ZNF449: variants seen among roughly 807,000 people sequenced by gnomAD.
ZNF449 encodes zinc finger protein 449.
In ZNF449, 4 loss-of-function variants were observed where a neutral mutation model predicts 32.6. The observed-to-expected ratio is 0.12, with a 90% CI of 0.06 to 0.28. The LOEUF is 0.28. Among genes scored for constraint, ZNF449 ranks in the 10% least tolerant of loss-of-function variants. The probability of loss-of-function intolerance (pLI) is 1.00; values close to 1 mark genes in which losing one functional copy is unlikely to be tolerated. For synonymous variants in ZNF449, 123 were observed against 132.2 expected (o/e 0.93, Z 0.48); for missense variants, 275 against 383.2 (o/e 0.72, Z 2.36).
chrX:135,349,941 G>T (rs782283749), intron 3 of ZNF449, among the ~76,000 whole-genome samples: 1 of 111,117 alleles, frequency 9.0e-6, no homozygotes, highest in African/African-American at 3.3e-5. Context: ...TCCAAGTGGA[G>T]AAAGGCAGCA....
At chrX:135,351,192 C>T (rs2084884550) in intron 3 of ZNF449, among the ~76,000 whole-genome samples, 1 of 112,006 alleles carries the variant, frequency 8.9e-6, no homozygotes, top group African/African-American at 3.2e-5. Context: ...GGAATGGATA[C>T]ATACTACTGA....
chrX:135,346,658 A>G (rs2148502749), intron 1 of ZNF449, among the ~76,000 whole-genome samples: 1 of 112,206 alleles, frequency 8.9e-6, no homozygotes, highest in East Asian at 2.8e-4. Flanking sequence ...TTTGCAGTGA[A>G]GTCTATTAAG....
Position 135,361,735 on chromosome X carries a change from A to G in ZNF449, c.*659A>G, listed in dbSNP as rs2084948396. ...CCAGGGTCTTTTGCTCTCCTTTGGT[A>G]TTTCACTCTCCTTTGGTATTCAATC... On this transcript the variant is annotated 3_prime_UTR_variant, in exon 5 of 5. Coordinates refer to ENST00000339249, the MANE Select transcript of ZNF449 (RefSeq NM_152695.6). The G allele has an allele frequency of 9.0e-6, 1 of 111,504 alleles. No homozygotes were observed. The highest frequency in any genetic ancestry group is 1.9e-5 in the Non-Finnish European group (1 of 52,964). 9.2% of individuals were successfully genotyped at this position (111,504 alleles called of 1,213,427 possible). A position where few individuals can be genotyped will look rare whatever the true frequency, so the allele number is the denominator to read the frequency against.
chrX:135,360,148 T>C (rs1556453016), intron 4 of ZNF449, 45 bp from the exon 5 acceptor site: 1 of 1,143,198 alleles, frequency 8.7e-7, no homozygotes, highest in Middle Eastern at 3.3e-4. Context: ...CTTTCTTTTC[T>C]CCATGGAACA....
chrX:135,355,722 A>G (rs905527547), intron 3 of ZNF449, among the ~76,000 whole-genome samples: 3 of 111,781 alleles, frequency 2.7e-5, no homozygotes, highest in Non-Finnish European at 5.7e-5. Flanking sequence ...TAATTCACAT[A>G]CCATACATTG....
chrX:135,356,485 A>G (rs1406062818), intron 3 of ZNF449, among the ~76,000 whole-genome samples: 1 of 111,658 alleles, frequency 9.0e-6, no homozygotes. Context: ...AGACCTATTT[A>G]GTCCCCTTGC....
At chrX:135,349,365 G>A (rs1470993273) in intron 3 of ZNF449, 51 bp downstream of exon 3, 2 of 1,136,432 alleles carry the variant, frequency 1.8e-6, no homozygotes, top group Non-Finnish European at 2.4e-6. Flanking sequence ...GAGAGTTCAG[G>A]AACTCTCAAG....
chrX:135,352,872 G>T (rs146368684), intron 3 of ZNF449, among the ~76,000 whole-genome samples: 2 of 111,906 alleles, frequency 1.8e-5, no homozygotes, highest in Non-Finnish European at 3.8e-5. Context: ...AGTTTAGGAT[G>T]GGGGGAACAT....
chrX:135,350,028 CG>C (rs1345723241), intron 3 of ZNF449, among the ~76,000 whole-genome samples: 17 of 102,074 alleles, frequency 1.7e-4, no homozygotes, highest in Non-Finnish European at 3.0e-4. Flanking sequence ...TTTTCTGAGA[CG>C]GGAGTCCTGC....
chrX:135,363,346 T>A lies in ZNF449; in HGVS notation c.*2270T>A, dbSNP rs2084957475. On this transcript the variant is annotated 3_prime_UTR_variant, in exon 5 of 5. Transcript: ENST00000339249. ...TGGCTAGTAGGGTTAGTTGCAATCA[T>A]AATATGAGTTGCATCCTCCCTCTCA... 8.9e-6 allele frequency among the ~76,000 whole-genome samples: 1 copy of A among 111,944 alleles called. No individual in the cohort carries two copies. Among genetic ancestry groups the A allele is most frequent in the African/African-American group, 3.2e-5 (1 of 30,799 alleles).
chrX:135,357,882 T>C (rs1212234594), intron 3 of ZNF449, among the ~76,000 whole-genome samples: 8 of 111,114 alleles, frequency 7.2e-5, no homozygotes, highest in Non-Finnish European at 1.3e-4. Context: ...GTATACCTCT[T>C]ATAAACAGTA....
At chrX:135,346,024 T>A (rs1381726386) in intron 1 of ZNF449, among the ~76,000 whole-genome samples, 1 of 112,197 alleles carries the variant, frequency 8.9e-6, no homozygotes, top group African/African-American at 3.3e-5. Flanking sequence ...ATTTACCATG[T>A]GACCTTAGAC....
chrX:135,360,535 C>G lies in ZNF449; in HGVS notation c.1016C>G (p.Thr339Ser). 2 of 1,211,811 alleles carry G rather than the reference C, an allele frequency of 1.7e-6. No individual in the cohort carries two copies. The highest frequency in any genetic ancestry group is 2.2e-6 in the Non-Finnish European group (2 of 895,432). The change falls in exon 5 of 5, where the codon ACT (threonine) becomes AGT (serine). Residue 339 changes from threonine to serine, a missense_variant. Thr to Ser is a moderately conservative substitution (Grantham distance 58). Transcript: ENST00000339249. Reference sequence around the variant, plus strand: ...TGTTTTGCTCGGAAGTCACAACTTACTGGGCATCAGAGAATTCATTCAGGA... The same window carrying G: ...TGTTTTGCTCGGAAGTCACAACTTAGTGGGCATCAGAGAATTCATTCAGGA... ...GKCFARKSQLTGHQRIHSGEE... is the reference protein window; with the variant it reads ...GKCFARKSQLSGHQRIHSGEE...
intron 2 of ZNF449, chrX:135,348,574 A>G (rs781803971): frequency 2.9e-5 from 6 of 204,105 alleles, no homozygotes; most frequent in Admixed American, 1.5e-4. Context: ...GATGGGCATC[A>G]GGGATACTCC....
chrX:135,351,974 C>T (rs782605463), intron 3 of ZNF449, among the ~76,000 whole-genome samples: 2 of 111,990 alleles, frequency 1.8e-5, no homozygotes, highest in African/African-American at 6.5e-5. Context: ...CTTTTCTTAT[C>T]ACCGTTTAAA....
rs782046147 is a variant in ZNF449, at chrX:135,351,658, TAAAAAAAAA to T, written c.559+2363_559+2371del. Reference sequence around the variant, plus strand: ...CATTTCATAGTCTATTGAGGAATTCTAAAAAAAAAAAAAAAAAAAAAAAAAAACAAAACC... The same window carrying T: ...CATTTCATAGTCTATTGAGGAATTCTAAAAAAAAAAAAAAAAAACAAAACC... On this transcript the variant is annotated intron_variant, in intron 3 of 4. Transcript: ENST00000339249. Among the ~76,000 whole-genome samples the T allele has an allele frequency of 2.0e-4, 10 of 49,505 alleles. No homozygotes were observed. The South Asian group carries it at 7.0e-3, about 35-fold the overall frequency. The allele number at this position is 49,505 out of a possible 115,157, so 43.0% of individuals were successfully genotyped here.
intron 3 of ZNF449, among the ~76,000 whole-genome samples, chrX:135,352,886 A>T (rs556428767): frequency 8.9e-6 from 1 of 112,229 alleles, no homozygotes; most frequent in Non-Finnish European, 1.9e-5. Flanking sequence ...GGAACATTCA[A>T]TGAAGCACCT....
At chrX:135,348,069 A>G (rs2084860253) in intron 2 of ZNF449, 1 of 132,018 alleles carries the variant, frequency 7.6e-6, no homozygotes, top group Non-Finnish European at 1.7e-5. Context: ...GTTTGCATCT[A>G]TGCTTAGAAT....
At position 135,361,048 on chromosome X, in the gene ZNF449, A is replaced by T; in HGVS notation, c.1529A>T (p.Gln510Leu). Residue 510 changes from glutamine (Q) to leucine (L), a missense_variant, in exon 5 of 5, where the codon CAG becomes CTG. This residue lies in a region of ZNF449 where 80 missense variants were observed against 146.6 expected (regional missense o/e 0.55). Coordinates refer to ENST00000339249, the MANE Select transcript of ZNF449 (RefSeq NM_152695.6). ...FRQRAGLIMH[Q>L]VTHFRGLI is the part of the protein sequence containing the mutation. The stretch of plus-strand genomic sequence containing the variant: ...CAGAGAGCCGGCCTTATTATGCACC[A>T]GGTCACTCACTTTAGAGGACTTATT... 1 of 1,191,467 alleles carries T rather than the reference A, an allele frequency of 8.4e-7. No individual in the cohort carries two copies. Among genetic ancestry groups the T allele is most frequent in the Non-Finnish European group, 1.1e-6 (1 of 887,688 alleles).
Sources: allele counts gnomAD v4.1 joint callset (sites outside exome capture counted in the v4.1 genomes callset), GRCh38; gene constraint gnomAD v4.1.1; regional missense constraint gnomAD v4.1.1; transcripts MANE v1.5; gene names NCBI Gene and HGNC (gene_info 2026-07-23, HGNC 2026-07-21).